ERBB4: variants seen among roughly 807,000 people sequenced by gnomAD.
ERBB4 encodes receptor tyrosine-protein kinase erbB-4.
In ERBB4, 42 loss-of-function variants were observed where a neutral mutation model predicts 158.0. The ratio of observed to expected loss-of-function variants is 0.27; its 90% CI spans 0.21 to 0.34. The LOEUF (loss-of-function observed/expected upper bound fraction) is 0.34, where lower values mean the gene tolerates loss of function less well. ERBB4 is among the 10% of genes least tolerant of loss of function. The pLI is 1.00. For synonymous variants in ERBB4, 583 were observed against 558.7 expected (o/e 1.04, Z -0.61); for missense variants, 1,333 against 1,624.1 (o/e 0.82, Z 3.08).
chr2:211,444,256 A>G lies in ERBB4; in HGVS notation c.2488-13156T>C, dbSNP rs368706059. Among the ~76,000 whole-genome samples, 188 of 152,124 alleles carry G rather than the reference A, an allele frequency of 1.2e-3. 1 individual carries two copies. The highest frequency in any genetic ancestry group is 0.012 in the South Asian group (56 of 4,824). ...GGAAGAATTAAAAAAATCACTAAAG[A>G]GACTAAAATTGGCTTATCTTTAGCC... On this transcript the variant is annotated intron_variant, in intron 20 of 27. Coordinates refer to ENST00000342788, the MANE Select transcript of ERBB4 (RefSeq NM_005235.3).
chr2:212,086,352 C>A (rs2078608893), intron 2 of ERBB4, among the ~76,000 whole-genome samples: 1 of 145,804 alleles, frequency 6.9e-6, no homozygotes, highest in Non-Finnish European at 1.5e-5. Context: ...TATGCATTCT[C>A]CCCACCAAAA....
chr2:211,510,348 A>C (rs1001771774), intron 20 of ERBB4, among the ~76,000 whole-genome samples: 1 of 152,076 alleles, frequency 6.6e-6, no homozygotes, highest in Non-Finnish European at 1.5e-5. Context: ...GATTTTAAAA[A>C]ATTACTTACT....
intron 1 of ERBB4, among the ~76,000 whole-genome samples, chr2:212,347,320 G>A (rs530740808): frequency 2.1e-4 from 29 of 141,226 alleles, no homozygotes; most frequent in African/African-American, 4.6e-4. Flanking sequence ...TAAGACTTCC[G>A]TTATTCTCTG....
chr2:212,528,972 G>A (rs1449612905), intron 1 of ERBB4, among the ~76,000 whole-genome samples: 1 of 152,106 alleles, frequency 6.6e-6, no homozygotes, highest in African/African-American at 2.4e-5. Context: ...AATAGAAAAT[G>A]CCAGATTCTA....
intron 22 of ERBB4, among the ~76,000 whole-genome samples, chr2:211,425,427 A>C (rs1050356136): frequency 6.6e-6 from 1 of 151,854 alleles, no homozygotes; most frequent in African/African-American, 2.4e-5. Flanking sequence ...TTTTTTGGTT[A>C]ATATTTACAT....
At chr2:212,095,468 A>G (rs2078900575) in intron 2 of ERBB4, among the ~76,000 whole-genome samples, 1 of 152,210 alleles carries the variant, frequency 6.6e-6, no homozygotes, top group Non-Finnish European at 1.5e-5. Flanking sequence ...TCCAAGTTGT[A>G]TAAATGTTTT....
intron 2 of ERBB4, among the ~76,000 whole-genome samples, chr2:212,043,512 A>G (rs1020529827): frequency 2.0e-5 from 3 of 152,164 alleles, no homozygotes; most frequent in African/African-American, 7.2e-5. Context: ...TGCAATCAAG[A>G]TTAACAGGGA....
At chr2:212,111,199 C>T (rs2079394709) in intron 2 of ERBB4, among the ~76,000 whole-genome samples, 1 of 152,144 alleles carries the variant, frequency 6.6e-6, no homozygotes. Context: ...TCACCCACAC[C>T]CTTTATATGC....
intron 20 of ERBB4, among the ~76,000 whole-genome samples, chr2:211,526,962 G>A (rs1315716989): frequency 1.3e-5 from 2 of 152,004 alleles, no homozygotes; most frequent in African/African-American, 4.8e-5. Context: ...AATAGCCTCA[G>A]AAGTGCAAAT....
intron 1 of ERBB4, among the ~76,000 whole-genome samples, chr2:212,467,040 C>T (rs923366362): frequency 1.3e-5 from 2 of 152,118 alleles, no homozygotes; most frequent in Non-Finnish European, 2.9e-5. Context: ...GAACTTTGAA[C>T]TTGAGATAAA....
intron 3 of ERBB4, among the ~76,000 whole-genome samples, chr2:211,794,696 C>T (rs980799431): frequency 2.0e-5 from 3 of 151,842 alleles, no homozygotes; most frequent in African/African-American, 7.2e-5. Flanking sequence ...TAGTAATCCA[C>T]TTAAACTCAT....
chr2:212,195,834 T>C (rs1022154501), intron 1 of ERBB4, among the ~76,000 whole-genome samples: 1 of 152,150 alleles, frequency 6.6e-6, no homozygotes, highest in African/African-American at 2.4e-5. Flanking sequence ...AGGGAATACA[T>C]GATTGAATAG....
At chr2:212,231,021 C>T (rs1662949654) in intron 1 of ERBB4, among the ~76,000 whole-genome samples, 1 of 152,116 alleles carries the variant, frequency 6.6e-6, no homozygotes. Flanking sequence ...TTATCTTTCT[C>T]TTGAATCTTC....
intron 3 of ERBB4, among the ~76,000 whole-genome samples, chr2:211,792,773 A>C (rs977953251): frequency 4.0e-5 from 6 of 151,890 alleles, no homozygotes; most frequent in Admixed American, 1.3e-4. Flanking sequence ...CACTCCACAA[A>C]GGTTAACCAT....
rs531451246 is a variant in ERBB4 at position 212,373,905 on chromosome 2, ATG to A, written c.82+164542_82+164543del. Among the ~76,000 whole-genome samples the A allele has an allele frequency of 1.4e-4, 15 of 105,022 alleles. 3 individuals are homozygous for A. The highest frequency in any genetic ancestry group is 2.9e-4 in the South Asian group (1 of 3,398). The allele number at this position is 105,022 out of a possible 152,430, so 68.9% of individuals were successfully genotyped here. A position where few individuals can be genotyped will look rare whatever the true frequency, so the allele number is the denominator to read the frequency against. ...TGTATATATCCATATATATATATCC[ATG>A]TATATATCCATATATATATATCCAT... is the stretch of plus-strand genomic sequence containing the variant. On this transcript the variant is annotated intron_variant, in intron 1 of 27. Coordinates refer to ENST00000342788, the MANE Select transcript of ERBB4 (RefSeq NM_005235.3).
intron 1 of ERBB4, among the ~76,000 whole-genome samples, chr2:212,182,269 G>A (rs1307397648): frequency 6.6e-6 from 1 of 151,684 alleles, no homozygotes; most frequent in Admixed American, 6.6e-5. Flanking sequence ...ACTTGTCCCA[G>A]GTCATTTGCA....
At chr2:211,897,064 T>C (rs971155315) in intron 3 of ERBB4, among the ~76,000 whole-genome samples, 2 of 150,016 alleles carry the variant, frequency 1.3e-5, no homozygotes, top group East Asian at 3.9e-4. Context: ...AATTATTATA[T>C]AAGTATAGAA....
At chr2:211,878,794 A>G (rs1327279623) in intron 3 of ERBB4, among the ~76,000 whole-genome samples, 1 of 151,930 alleles carries the variant, frequency 6.6e-6, no homozygotes, top group Admixed American at 6.6e-5. Flanking sequence ...AGTAGCTGGC[A>G]TTACAGGCAA....
intron 19 of ERBB4, among the ~76,000 whole-genome samples, chr2:211,584,313 T>C (rs1487615889): frequency 6.6e-6 from 1 of 152,014 alleles, no homozygotes; most frequent in African/African-American, 2.4e-5. Context: ...TGCATATATA[T>C]AATATTTGAT....
Sources: gnomAD v4.1 joint callset for allele counts (sites outside exome capture counted in the v4.1 genomes callset) on GRCh38, gnomAD v4.1.1 for gene constraint, MANE v1.5 for transcripts, NCBI Gene and HGNC (gene_info 2026-07-23, HGNC 2026-07-21) for gene names.